CROCC2: variants seen among roughly 807,000 people sequenced by gnomAD.
CROCC2 encodes ciliary rootlet coiled-coil protein 2.
CROCC2 carries 163 observed loss-of-function variants against 177.6 expected under a neutral mutation model. That is an observed-to-expected ratio of 0.92 (90% confidence interval 0.81 to 1.05). CROCC2 has a LOEUF of 1.05. Among genes scored for constraint, CROCC2 ranks in the 50% least tolerant of loss-of-function variants. The pLI is 0.00. For missense variants in CROCC2, 1,929 were observed against 1,797.8 expected, an observed-to-expected ratio of 1.07 and a Z score of -1.32; for synonymous variants, 904 against 787.3, an observed-to-expected ratio of 1.15 and a Z score of -2.48.
At chr2:240,966,636 AGGC>A (rs1278886732) in intron 25 of CROCC2, among the ~76,000 whole-genome samples, 3 of 152,118 alleles carry the variant, frequency 2.0e-5, no homozygotes, top group Non-Finnish European at 4.4e-5. Context: ...CCCTGGAGCC[AGGC>A]CCTGCTGTGA....
Position 240,933,740 on chromosome 2 carries a change from C to T in CROCC2, c.1534C>T (p.Gln512Ter). 6.5e-7 allele frequency: 1 copy of T among 1,550,192 alleles called. No individual in the cohort carries two copies. The highest frequency in any genetic ancestry group is 8.7e-7 in the Non-Finnish European group (1 of 1,146,850). ...GGCAGATGCTGCAGATGCGGAGAAG[C>T]AGGGGCTGGAGGCCGAGGCTGCAGA... ...GKADAADAEK[Q>*]GLEAEAAELQ... Residue 512 changes from glutamine to a stop codon, truncating the protein, a stop_gained, in exon 11 of 32, where the codon CAG becomes TAG. Transcript: ENST00000690015. LOFTEE classifies it high-confidence loss of function.
At chr2:240,987,058 G>A (rs73107877) in intron 28 of CROCC2, among the ~76,000 whole-genome samples, 2,080 of 152,362 alleles carry the variant, frequency 0.014, 59 homozygotes, top group African/African-American at 0.047. Flanking sequence ...AGTAGGGCCA[G>A]CCAATGGGGT....
At chr2:240,948,768 G>A (rs2059537343) in intron 15 of CROCC2, among the ~76,000 whole-genome samples, 1 of 152,078 alleles carries the variant, frequency 6.6e-6, no homozygotes, top group Non-Finnish European at 1.5e-5. Context: ...CTTTTTGGGG[G>A]GACTCTTTTC....
rs145625050 is a variant in CROCC2, at chr2:240,952,779, C to T, written c.2829+2269C>T. On this transcript the variant is annotated intron_variant, in intron 18 of 31. Coordinates refer to ENST00000690015, the MANE Select transcript of CROCC2 (RefSeq NM_001351305.2). ...GAGCCAGTGGATGTTCTTGAGCAGG[C>T]GTGATATGATAGGAGTTGGGCGGAA... 1.8e-4 allele frequency among the ~76,000 whole-genome samples: 27 copies of T among 152,174 alleles called. No homozygotes were observed. The East Asian group carries it at 4.8e-3, about 27-fold the overall frequency.
At chr2:240,988,168 G>A (rs1309201263) in intron 28 of CROCC2, among the ~76,000 whole-genome samples, 1 of 152,210 alleles carries the variant, frequency 6.6e-6, no homozygotes, top group Non-Finnish European at 1.5e-5. Context: ...CTGTACCCAT[G>A]GGGTAGGGAG....
At position 240,991,201 on chromosome 2, in the gene CROCC2, C is replaced by T. The variant is rs569134508; in HGVS notation, c.4869C>T (p.Ala1623=). ...QQVKVLEEQV[A]SLKEQLDQEV... is the part of the protein sequence containing the mutation. ...AGCCACTGTCCTGTCCCCAGGTGGC[C>T]AGCCTGAAGGAGCAACTGGACCAGG... The change falls in exon 31 of 32, where the codon GCC becomes GCT. Residue 1623 remains alanine (A), a synonymous_variant. Coordinates refer to ENST00000690015, the MANE Select transcript of CROCC2 (RefSeq NM_001351305.2). 175 of 1,546,506 alleles carry T rather than the reference C, an allele frequency of 1.1e-4. No homozygotes were observed. The African/African-American group carries it at 2.3e-3, about 20-fold the overall frequency.
Position 240,934,947 on chromosome 2 carries a change from T to C in CROCC2, c.1823T>C (p.Leu608Pro), listed in dbSNP as rs962358457. Residue 608 changes from leucine to proline, a missense_variant, in exon 13 of 32, where the codon CTT (leucine) becomes CCT (proline). This residue lies in a region of CROCC2 where 1,397 missense variants were observed against 1,239.9 expected (regional missense o/e 1.13). Coordinates refer to ENST00000690015, the MANE Select transcript of CROCC2 (RefSeq NM_001351305.2). ...AECSNADLEL[L>P]VRRLKSEGVE... ...TGCAGCAATGCGGACCTGGAGCTTC[T>C]TGTGAGGCGGCTGAAGTCGGAGGGA... 1 of 1,520,332 alleles carries C rather than the reference T, an allele frequency of 6.6e-7. No homozygotes were observed. The allele number at this position is 1,520,332 out of a possible 1,614,324, so 94.2% of individuals were successfully genotyped here. A position where few individuals can be genotyped will look rare whatever the true frequency, so the allele number is the denominator to read the frequency against.
intron 1 of CROCC2, among the ~76,000 whole-genome samples, chr2:240,916,785 G>A (rs536456508): frequency 4.6e-5 from 7 of 152,350 alleles, no homozygotes; most frequent in African/African-American, 1.4e-4. Context: ...AGGGAGGGCG[G>A]GGCAGAGCCC....
chr2:240,982,439 T>G lies in CROCC2; in HGVS notation c.4402-441T>G, dbSNP rs2059807280. The G allele has an allele frequency of 6.4e-6, 1 of 155,898 alleles. No homozygotes were observed. 9.7% of individuals were successfully genotyped at this position (155,898 alleles called of 1,614,324 possible). Reference sequence around the variant, plus strand: ...AGGTGGGAGCTGAAGCAGGAGAACATGCAGTGTGATGGCAGAAGGGGCAAG... The same window carrying G: ...AGGTGGGAGCTGAAGCAGGAGAACAGGCAGTGTGATGGCAGAAGGGGCAAG... On this transcript the variant is annotated intron_variant, in intron 27 of 31. Coordinates refer to ENST00000690015, the MANE Select transcript of CROCC2 (RefSeq NM_001351305.2). The surrounding 1 kb of genome is among the most constrained non-coding windows in gnomAD (Gnocchi z 4.7).
intron 14 of CROCC2, among the ~76,000 whole-genome samples, chr2:240,940,304 G>T (rs1177610318): frequency 6.6e-6 from 1 of 152,016 alleles, no homozygotes; most frequent in Non-Finnish European, 1.5e-5. Flanking sequence ...TGAGGAATTG[G>T]TATTTTATCA....
rs1249189569 is a variant in CROCC2, at chr2:240,921,537, G to A, written c.382-1002G>A. On this transcript the variant is annotated intron_variant, in intron 3 of 31. Coordinates refer to ENST00000690015, the MANE Select transcript of CROCC2 (RefSeq NM_001351305.2). ...AGAAATGCTGCCGACAGATTAGTAA[G>A]CTGCGTGAGTCAGATCCAAACTCGC... Among the ~76,000 whole-genome samples, 5 of 152,228 alleles carry A rather than the reference G, an allele frequency of 3.3e-5. No individual in the cohort carries two copies. The South Asian group carries it at 6.2e-4, about 19-fold the overall frequency.
At chr2:240,990,570 GTGTTTTGTTT>G (rs368000484) in intron 30 of CROCC2, among the ~76,000 whole-genome samples, 8 of 152,098 alleles carry the variant, frequency 5.3e-5, no homozygotes, top group African/African-American at 1.2e-4. Flanking sequence ...ATCATTCTGA[GTGTTTTGTTT>G]TGTTTTGTTT....
chr2:240,964,435 C>T (rs1200885656), intron 21 of CROCC2, 31 bp from the exon 22 acceptor site: 20 of 1,547,906 alleles, frequency 1.3e-5, no homozygotes, highest in Non-Finnish European at 1.6e-5. Flanking sequence ...CCAGGAGGTG[C>T]GGGGGCCCCA....
In CROCC2 at chr2:240,968,150, C is replaced by T. The variant is rs771368144; in HGVS notation, c.4289C>T (p.Ala1430Val). The change falls in exon 27 of 32, where the codon GCG becomes GTG. Residue 1430 changes from alanine (A) to valine (V), a missense_variant. Around this residue, in one of 3 missense-constraint regions of CROCC2, gnomAD observed 388 missense variants for 352.7 expected, o/e 1.10. Coordinates refer to ENST00000690015, the MANE Select transcript of CROCC2 (RefSeq NM_001351305.2). Reference protein sequence around the residue: ...AEEGQRRVEGALSSARAARAL... With the variant: ...AEEGQRRVEGVLSSARAARAL... Reference sequence around the variant, plus strand: ...ACAGGCCAGCGCCGGGTGGAGGGCGCGCTGAGCAGCGCCCGGGCAGCACGT... The same window carrying T: ...ACAGGCCAGCGCCGGGTGGAGGGCGTGCTGAGCAGCGCCCGGGCAGCACGT... The T allele has an allele frequency of 5.2e-5, 78 of 1,510,006 alleles. No individual in the cohort carries two copies. Among genetic ancestry groups the T allele is most frequent in the East Asian group, 7.5e-5 (3 of 40,238 alleles). The allele number at this position is 1,510,006 out of a possible 1,614,324, so 93.5% of individuals were successfully genotyped here.
chr2:240,920,226 G>A (rs1305071262), intron 3 of CROCC2, 92 bp downstream of exon 3: 2 of 587,362 alleles, frequency 3.4e-6, no homozygotes, highest in Non-Finnish European at 3.0e-6. Flanking sequence ...CAGAGCCTGG[G>A]ACCATCGGCA....
At chr2:240,922,427 C>G in intron 3 of CROCC2, 112 bp from the exon 4 acceptor site, 1 of 579,214 alleles carries the variant, frequency 1.7e-6, no homozygotes, top group Non-Finnish European at 3.1e-6. Context: ...GCTGTGGGGC[C>G]CCAGGGAGCC....
At position 240,955,861 on chromosome 2, in the gene CROCC2, C is replaced by A; in HGVS notation, c.2832C>A (p.Ala944=). 2 of 1,532,766 alleles carry A rather than the reference C, an allele frequency of 1.3e-6. No homozygotes were observed. 94.9% of individuals were successfully genotyped at this position (1,532,766 alleles called of 1,614,324 possible). Residue 944 remains alanine, a splice_region_variant and synonymous_variant, in exon 19 of 32, where the codon GCC becomes GCA. Transcript: ENST00000690015. ...CAAGCATACCCCGTCCTGTTCAGGCCCTGTCCCTGAAAGAAACAGAGCGGA... is the reference window on the plus strand; with the variant it reads ...CAAGCATACCCCGTCCTGTTCAGGCACTGTCCCTGAAAGAAACAGAGCGGA... ...LLQLEHKMQQ[A]LSLKETERSL...
At chr2:240,962,026 A>ACG (rs2059644224) in intron 20 of CROCC2, among the ~76,000 whole-genome samples, 2 of 27,940 alleles carry the variant, frequency 7.2e-5, no homozygotes, top group African/African-American at 2.3e-4. Flanking sequence ...ACACACACAC[A>ACG]CACGCACGCA....
chr2:240,938,710 AT>A, intron 14 of CROCC2, among the ~76,000 whole-genome samples: 1 of 152,240 alleles, frequency 6.6e-6, no homozygotes, highest in Non-Finnish European at 1.5e-5. Flanking sequence ...AATATGGTAT[AT>A]CTCTCCATGT....
Sources: gnomAD v4.1 joint callset for allele counts (sites outside exome capture counted in the v4.1 genomes callset) on GRCh38, gnomAD v4.1.1 for gene constraint, gnomAD v4.1.1 regional missense constraint, Gnocchi (gnomAD v3.1) non-coding constraint, MANE v1.5 for transcripts, NCBI Gene and HGNC (gene_info 2026-07-23, HGNC 2026-07-21) for gene names.